The following FGF12 variants were observed in gnomAD, a reference collection of about 807,000 sequenced individuals.
FGF12 encodes the protein fibroblast growth factor 12, also known as fibroblast growth factor 12B.
Under a neutral mutation model 23.6 loss-of-function variants are expected in FGF12, and 14 were observed. The ratio of observed to expected loss-of-function variants is 0.59; its 90% CI spans 0.39 to 0.93. FGF12 has a LOEUF of 0.93. Ranked by LOEUF, FGF12 falls within the 40% of genes least tolerant of loss-of-function variation. FGF12 has a pLI of 0.00. For missense variants in FGF12, 175 were observed against 217.8 expected, an observed-to-expected ratio of 0.80 and a Z score of 1.24; for synonymous variants, 62 against 77.3, an observed-to-expected ratio of 0.80 and a Z score of 1.04.
chr3:192,367,240 G>A (rs958233979), intron 2 of FGF12, among the ~76,000 whole-genome samples: 1 of 152,192 alleles, frequency 6.6e-6, no homozygotes, highest in Non-Finnish European at 1.5e-5. Flanking sequence ...TCCAGAAAAT[G>A]CAACCTTCTT....
At chr3:192,273,460 G>A (rs1399321002) in intron 4 of FGF12, among the ~76,000 whole-genome samples, 1 of 152,128 alleles carries the variant, frequency 6.6e-6, no homozygotes, top group Non-Finnish European at 1.5e-5. Flanking sequence ...GCCTCTAAGA[G>A]AGTCCTGCAT....
intron 2 of FGF12, among the ~76,000 whole-genome samples, chr3:192,553,378 C>T (rs926122894): frequency 2.6e-5 from 4 of 152,030 alleles, no homozygotes; most frequent in African/African-American, 9.7e-5. Flanking sequence ...ACAGTTCTTA[C>T]ATTTTATATG....
At position 192,540,574 on chromosome 3, in the gene FGF12, G is replaced by A. The variant is rs9856159; in HGVS notation, c.14-180036C>T. 1.4e-3 allele frequency among the ~76,000 whole-genome samples: 220 copies of A among 152,190 alleles called. 1 individual carries two copies. Among genetic ancestry groups the A allele is most frequent in the African/African-American group, 5.2e-3 (215 of 41,536 alleles). On this transcript the variant is annotated intron_variant, in intron 2 of 5. Coordinates refer to ENST00000445105, the MANE Select transcript of FGF12 (RefSeq NM_004113.6). ...GTGACCTGACATAAGGTATATCCTT[G>A]AGAATGATCCATGTACTGAGGAGAA... is the stretch of plus-strand genomic sequence containing the variant.
intron 2 of FGF12, among the ~76,000 whole-genome samples, chr3:192,626,550 T>C (rs2108652064): frequency 6.6e-6 from 1 of 152,066 alleles, no homozygotes; most frequent in Admixed American, 6.5e-5. Context: ...TCGACAGGAA[T>C]TAGTCATCAT....
At chr3:192,149,459 C>T (rs1213871647) in intron 5 of FGF12, among the ~76,000 whole-genome samples, 1 of 112,478 alleles carries the variant, frequency 8.9e-6, no homozygotes, top group African/African-American at 3.3e-5. Flanking sequence ...TGCTATCCCT[C>T]CCCCCTCCCC....
At chr3:192,273,929 G>C (rs966416089) in intron 4 of FGF12, among the ~76,000 whole-genome samples, 4 of 150,832 alleles carry the variant, frequency 2.7e-5, no homozygotes, top group African/African-American at 9.7e-5. Context: ...AAGTAGAACT[G>C]AAAACAGTGA....
intron 2 of FGF12, among the ~76,000 whole-genome samples, chr3:192,627,322 CAT>C (rs1715207401): frequency 1.3e-5 from 2 of 152,022 alleles, no homozygotes; most frequent in South Asian, 4.2e-4. Context: ...TTTAATAAAA[CAT>C]ATAAAATACT....
chr3:192,622,225 C>T (rs1267391919), intron 2 of FGF12, among the ~76,000 whole-genome samples: 1 of 152,142 alleles, frequency 6.6e-6, no homozygotes, highest in African/African-American at 2.4e-5. Context: ...GGCTATGGAG[C>T]AGTCCAAAGG....
chr3:192,627,835 G>C (rs1054117818), intron 2 of FGF12, among the ~76,000 whole-genome samples: 2 of 143,420 alleles, frequency 1.4e-5, no homozygotes, highest in African/African-American at 5.0e-5. Context: ...AGTTTGACTT[G>C]TACTCTGTGT....
intron 2 of FGF12, among the ~76,000 whole-genome samples, chr3:192,468,067 C>T (rs1478281139): frequency 6.6e-6 from 1 of 152,182 alleles, no homozygotes; most frequent in East Asian, 1.9e-4. Flanking sequence ...AGTCCTGACA[C>T]GGAAATTCAA....
Position 192,501,083 on chromosome 3 carries a change from G to A in FGF12, c.14-140545C>T, listed in dbSNP as rs139259074. 3.3e-3 allele frequency among the ~76,000 whole-genome samples: 501 copies of A among 152,186 alleles called. 6 individuals are homozygous for A. The highest frequency in any genetic ancestry group is 0.023 in the Admixed American group (348 of 15,278). The stretch of plus-strand genomic sequence containing the variant: ...TTGAGTGAAAAATAAGATGCAGAGA[G>A]ATAAGTAAAGTTAGATATAATTTAT... On this transcript the variant is annotated intron_variant, in intron 2 of 5. Coordinates refer to ENST00000445105, the MANE Select transcript of FGF12 (RefSeq NM_004113.6).
chr3:192,619,814 A>G (rs1222638858), intron 2 of FGF12, among the ~76,000 whole-genome samples: 2 of 152,164 alleles, frequency 1.3e-5, no homozygotes, highest in Non-Finnish European at 2.9e-5. Context: ...TTCTTTTGTC[A>G]TATCTTCAAT....
intron 2 of FGF12, among the ~76,000 whole-genome samples, chr3:192,432,945 G>T (rs1721909261): frequency 1.3e-5 from 2 of 152,140 alleles, no homozygotes; most frequent in Admixed American, 6.6e-5. Context: ...GTGGTCTGTA[G>T]CATTGGTGAA....
chr3:192,548,902 T>C (rs1203768842), intron 2 of FGF12, among the ~76,000 whole-genome samples: 1 of 152,162 alleles, frequency 6.6e-6, no homozygotes, highest in Non-Finnish European at 1.5e-5. Context: ...GAATAATTCA[T>C]TGCAATATAA....
intron 3 of FGF12, among the ~76,000 whole-genome samples, chr3:192,351,448 C>T (rs1718215500): frequency 6.6e-6 from 1 of 152,106 alleles, no homozygotes; most frequent in African/African-American, 2.4e-5. Context: ...TTGTACTGTT[C>T]GTTTAAAGTT....
intron 4 of FGF12, among the ~76,000 whole-genome samples, chr3:192,294,126 C>T (rs1018447528): frequency 3.2e-4 from 49 of 152,132 alleles, no homozygotes; most frequent in Admixed American, 3.3e-4. Context: ...TCTTTGCCTG[C>T]TGCCATCCCT....
chr3:192,343,571 C>T (rs1717802979), intron 3 of FGF12, among the ~76,000 whole-genome samples: 1 of 151,982 alleles, frequency 6.6e-6, no homozygotes, highest in Admixed American at 6.6e-5. Flanking sequence ...ATTCACCCTC[C>T]CCATTCTCAA....
chr3:192,635,886 A>G (rs1393289709), intron 2 of FGF12, among the ~76,000 whole-genome samples: 1 of 152,156 alleles, frequency 6.6e-6, no homozygotes, highest in Non-Finnish European at 1.5e-5. Flanking sequence ...GACCTTAAAG[A>G]TCGTTTGGTC....
chr3:192,255,333 A>C (rs1328452821), intron 4 of FGF12, among the ~76,000 whole-genome samples: 2 of 152,042 alleles, frequency 1.3e-5, no homozygotes, highest in Non-Finnish European at 2.9e-5. Context: ...AACAAAAGCC[A>C]ATGAATAGGG....
Sources: allele counts gnomAD v4.1 joint callset (sites outside exome capture counted in the v4.1 genomes callset), GRCh38; gene constraint gnomAD v4.1.1; transcripts MANE v1.5; gene names NCBI Gene and HGNC (gene_info 2026-07-23, HGNC 2026-07-21).